Variants in PCDHGB7 observed in about 807,000 individuals in gnomAD.
PCDHGB7 encodes protocadherin gamma subfamily B, 7.
In PCDHGB7, 37 loss-of-function variants were observed where a neutral mutation model predicts 61.4. That is an observed-to-expected ratio of 0.60 (90% CI 0.46 to 0.79). PCDHGB7 has a LOEUF of 0.79. Among genes scored for constraint, PCDHGB7 ranks in the 30% least tolerant of loss-of-function variants. PCDHGB7 has a pLI of 0.00. For missense variants in PCDHGB7, 1,166 were observed against 1,202.5 expected (o/e 0.97, Z 0.45); for synonymous variants, 464 against 503.5 (o/e 0.92, Z 1.05).
In PCDHGB7 at chr5:141,419,989, T is replaced by C. The variant is rs778087109; in HGVS notation, c.2130T>C (p.Ala710=). The C allele has an allele frequency of 4.1e-5, 66 of 1,613,962 alleles. No homozygotes were observed. Among genetic ancestry groups the C allele is most frequent in the Non-Finnish European group, 5.2e-5 (61 of 1,179,916 alleles). ...SVLFLLAVIL[A]IALRLRQSFS... ...TCTTTCTCCTCGCGGTGATTCTAGCTATTGCTCTACGCCTGCGACAGTCTT... is the reference window on the plus strand; with the variant it reads ...TCTTTCTCCTCGCGGTGATTCTAGCCATTGCTCTACGCCTGCGACAGTCTT... The change falls in exon 1 of 4, where the codon GCT becomes GCC. Residue 710 remains alanine, a synonymous_variant. Coordinates refer to ENST00000398594, the MANE Select transcript of PCDHGB7 (RefSeq NM_018927.4).
intron 1 of PCDHGB7, among the ~76,000 whole-genome samples, chr5:141,435,444 A>T (rs1471113812): frequency 1.3e-5 from 2 of 152,216 alleles, no homozygotes; most frequent in South Asian, 2.1e-4. Context: ...TTTCATTAAT[A>T]CGATATCTGT....
Position 141,491,245 on chromosome 5 carries a change from G to A in PCDHGB7, c.2416-3562G>A, listed in dbSNP as rs1171588507. ...CACAGTGCTGCTGGTTCTGGAGGATGAGGACCCTGAGGAAATGCCCAAATC... is the reference window on the plus strand; with the variant it reads ...CACAGTGCTGCTGGTTCTGGAGGATAAGGACCCTGAGGAAATGCCCAAATC... On this transcript the variant is annotated intron_variant, in intron 1 of 3. Transcript: ENST00000398594. The surrounding 1 kb of genome is among the most constrained non-coding windows in gnomAD (Gnocchi z 6.9). 2 of 1,614,086 alleles carry A rather than the reference G, an allele frequency of 1.2e-6. No individual in the cohort carries two copies. Among genetic ancestry groups the A allele is most frequent in the East Asian group, 4.5e-5 (2 of 44,888 alleles).
intron 1 of PCDHGB7, chr5:141,427,834 C>A: frequency 6.5e-7 from 1 of 1,542,566 alleles, no homozygotes; most frequent in Non-Finnish European, 8.9e-7. Flanking sequence ...GCGCAGCGTG[C>A]CTTCGACCAC....
At chr5:141,479,023 GT>G (rs1436478867) in intron 1 of PCDHGB7, among the ~76,000 whole-genome samples, 1 of 152,056 alleles carries the variant, frequency 6.6e-6, no homozygotes, top group Non-Finnish European at 1.5e-5. Context: ...ATTTTCCTTT[GT>G]TTATACAGAT....
chr5:141,431,624 G>C lies in PCDHGB7; in HGVS notation c.2415+11350G>C. The C allele has an allele frequency of 2.5e-6, 4 of 1,614,234 alleles. No individual in the cohort carries two copies. Among genetic ancestry groups the C allele is most frequent in the Non-Finnish European group, 3.4e-6 (4 of 1,180,038 alleles). On this transcript the variant is annotated intron_variant, in intron 1 of 3. Transcript: ENST00000398594. This position sits in a 1 kb window ranked among gnomAD's most constrained non-coding sequence, Gnocchi z 4.8. ...CTTCCGGTATGTGGACGACAAGGCG[G>C]CCCAAGTTTTCAAACTAGATTGTAA...
In PCDHGB7 at chr5:141,433,322, T is replaced by A. The variant is rs907709272; in HGVS notation, c.2415+13048T>A. On this transcript the variant is annotated intron_variant, in intron 1 of 3. Transcript: ENST00000398594. ...AATTATCCCACCTTTGCCTCCGGTGTAACAGGGACTACAGGTGCAAGCCAC... is the reference window on the plus strand; with the variant it reads ...AATTATCCCACCTTTGCCTCCGGTGAAACAGGGACTACAGGTGCAAGCCAC... The A allele has an allele frequency of 5.3e-6, 4 of 760,298 alleles. No homozygotes were observed. In the African/African-American group the frequency reaches 7.1e-5, roughly 13 times the overall value. The allele number at this position is 760,298 out of a possible 1,614,324, so 47.1% of individuals were successfully genotyped here.
At chr5:141,428,226 C>A (rs2154552641) in intron 1 of PCDHGB7, 1 of 1,137,180 alleles carries the variant, frequency 8.8e-7, no homozygotes, top group South Asian at 1.3e-5. Flanking sequence ...TCTTCGCAGA[C>A]AGCCTGCAGG....
In PCDHGB7 at chr5:141,487,120, T is replaced by C. The variant is rs1342042604; in HGVS notation, c.2416-7687T>C. 1.9e-6 allele frequency: 3 copies of C among 1,613,948 alleles called. No homozygotes were observed. Among genetic ancestry groups the C allele is most frequent in the Admixed American group, 1.7e-5 (1 of 60,028 alleles). ...AGAAGCTGGTCATTGTGGTAAAGGA[T>C]AGTGGTAGTCCACCACTCTCTACCT... On this transcript the variant is annotated intron_variant, in intron 1 of 3. Coordinates refer to ENST00000398594, the MANE Select transcript of PCDHGB7 (RefSeq NM_018927.4). The surrounding 1 kb of genome is among the most constrained non-coding windows in gnomAD (Gnocchi z 5.0).
intron 1 of PCDHGB7, among the ~76,000 whole-genome samples, chr5:141,474,643 CCTTA>C (rs1474125632): frequency 1.3e-5 from 2 of 152,134 alleles, no homozygotes; most frequent in Admixed American, 1.3e-4. Flanking sequence ...TCCTATATAT[CCTTA>C]CTTCTTTTCT....
intron 1 of PCDHGB7, 190 bp downstream of exon 1, chr5:141,420,464 C>A: frequency 1.2e-6 from 1 of 801,488 alleles, no homozygotes; most frequent in South Asian, 4.0e-5. Flanking sequence ...TATTCAAAGA[C>A]ATTTTAAAGC....
intron 1 of PCDHGB7, among the ~76,000 whole-genome samples, chr5:141,474,651 C>T (rs2099352565): frequency 6.6e-6 from 1 of 152,178 alleles, no homozygotes; most frequent in South Asian, 2.1e-4. Flanking sequence ...ATCCTTACTT[C>T]TTTTCTACCT....
Position 141,511,380 on chromosome 5 carries a change from C to T in PCDHGB7, c.*207C>T, listed in dbSNP as rs896762148. 1.5e-5 allele frequency: 18 copies of T among 1,170,372 alleles called. No homozygotes were observed. The highest frequency in any genetic ancestry group is 3.0e-4 in the Middle Eastern group (1 of 3,384). 72.5% of individuals were successfully genotyped at this position (1,170,372 alleles called of 1,614,324 possible). ...GGGGTTGAATATGCAAAAGCAGTTC[C>T]GCTGGGAACCCCCATCCAATCAACT... is the stretch of plus-strand genomic sequence containing the variant. On this transcript the variant is annotated 3_prime_UTR_variant, in exon 4 of 4. Coordinates refer to ENST00000398594, the MANE Select transcript of PCDHGB7 (RefSeq NM_018927.4).
chr5:141,423,405 G>T (rs1444037259), intron 1 of PCDHGB7: 1 of 1,614,154 alleles, frequency 6.2e-7, no homozygotes, highest in African/African-American at 1.3e-5. Context: ...CACGCCTGCT[G>T]CAGGCTTCTG....
intron 1 of PCDHGB7, among the ~76,000 whole-genome samples, chr5:141,460,653 G>A (rs10058370): frequency 0.17 from 25,559 of 151,914 alleles, 2,196 homozygotes; most frequent in South Asian, 0.22. Flanking sequence ...TTACACATAT[G>A]TAACTGTAAA....
chr5:141,485,858 C>A lies in PCDHGB7; in HGVS notation c.2416-8949C>A, dbSNP rs1431906047. 8.1e-6 allele frequency: 13 copies of A among 1,614,162 alleles called. No individual in the cohort carries two copies. The South Asian group carries it at 1.4e-4, about 18-fold the overall frequency. ...GCCGAGATCTGGCACCGCAGAGCTC[C>A]GGGTATCCGTGCTGGACGTAAACGA... On this transcript the variant is annotated intron_variant, in intron 1 of 3. Coordinates refer to ENST00000398594, the MANE Select transcript of PCDHGB7 (RefSeq NM_018927.4). This position sits in a 1 kb window ranked among gnomAD's most constrained non-coding sequence, Gnocchi z 5.7.
chr5:141,463,590 A>G (rs975534405), intron 1 of PCDHGB7, among the ~76,000 whole-genome samples: 3 of 151,848 alleles, frequency 2.0e-5, no homozygotes, highest in African/African-American at 7.3e-5. Flanking sequence ...CTGGGACTAC[A>G]GGTGCCTGCC....
At chr5:141,464,870 C>G (rs1488189681) in intron 1 of PCDHGB7, among the ~76,000 whole-genome samples, 1 of 152,126 alleles carries the variant, frequency 6.6e-6, no homozygotes, top group Non-Finnish European at 1.5e-5. Flanking sequence ...TCCCAAGTAG[C>G]TAGGACTACA....
chr5:141,427,547 T>C (rs747558888), intron 1 of PCDHGB7: 1 of 640,310 alleles, frequency 1.6e-6, no homozygotes, highest in South Asian at 1.5e-5. Flanking sequence ...TCACCATCAC[T>C]GCCACTGACA....
chr5:141,421,102 T>A (rs1420706532), intron 1 of PCDHGB7: 2 of 691,286 alleles, frequency 2.9e-6, no homozygotes, highest in Admixed American at 6.2e-5. Context: ...CACTGGAGAC[T>A]TAGAAGTATT....
Sources: gnomAD v4.1 joint callset for allele counts (sites outside exome capture counted in the v4.1 genomes callset) on GRCh38, gnomAD v4.1.1 for gene constraint, Gnocchi (gnomAD v3.1) non-coding constraint, MANE v1.5 for transcripts, NCBI Gene and HGNC (gene_info 2026-07-23, HGNC 2026-07-21) for gene names.